EYA3: variants seen among roughly 807,000 people sequenced by gnomAD.
EYA3 encodes the protein EYA transcriptional coactivator and phosphatase 3.
EYA3 carries 39 observed loss-of-function variants against 80.0 expected under a neutral mutation model. The ratio of observed to expected loss-of-function variants is 0.49; its 90% CI spans 0.38 to 0.64. The LOEUF (loss-of-function observed/expected upper bound fraction) is 0.64, where lower values mean the gene tolerates loss of function less well. Ranked by LOEUF, EYA3 falls within the 30% of genes least tolerant of loss-of-function variation. The pLI is 0.00. For synonymous variants in EYA3, 206 were observed against 232.8 expected (o/e 0.88, Z 1.05); for missense variants, 523 against 676.1 (o/e 0.77, Z 2.51).
chr1:27,997,033 C>T (rs1371806970), intron 13 of EYA3, among the ~76,000 whole-genome samples: 1 of 152,204 alleles, frequency 6.6e-6, no homozygotes, highest in Non-Finnish European at 1.5e-5. Context: ...GCTACCCATT[C>T]TTTAATGTTC....
intron 3 of EYA3, among the ~76,000 whole-genome samples, chr1:28,046,512 G>A (rs1644009843): frequency 6.6e-6 from 1 of 152,062 alleles, no homozygotes; most frequent in Non-Finnish European, 1.5e-5. Context: ...AGCAGGAAAG[G>A]GAGGGAAAAG....
chr1:27,979,530 T>C (rs1639166430), intron 16 of EYA3, among the ~76,000 whole-genome samples: 2 of 152,128 alleles, frequency 1.3e-5, no homozygotes, highest in African/African-American at 4.8e-5. Flanking sequence ...GTATCAAAAC[T>C]CAAATCCCAT....
chr1:28,075,894 G>C (rs1451264934), intron 1 of EYA3, among the ~76,000 whole-genome samples: 1 of 152,074 alleles, frequency 6.6e-6, no homozygotes, highest in African/African-American at 2.4e-5. Flanking sequence ...CACCTTTCTT[G>C]ATTTAATACC....
At chr1:28,044,265 A>T (rs1391706406) in intron 3 of EYA3, among the ~76,000 whole-genome samples, 2 of 152,184 alleles carry the variant, frequency 1.3e-5, no homozygotes, top group Non-Finnish European at 2.9e-5. Context: ...GCTCAAGTTC[A>T]TATTCTATTC....
chr1:28,079,755 G>A (rs184811879), intron 1 of EYA3, among the ~76,000 whole-genome samples: 13 of 151,514 alleles, frequency 8.6e-5, no homozygotes, highest in East Asian at 5.8e-4. Flanking sequence ...ATCCATCCAC[G>A]TACATTGCAG....
At chr1:28,035,711 G>A in intron 5 of EYA3, 31 bp from the exon 6 acceptor site, 1 of 1,608,948 alleles carries the variant, frequency 6.2e-7, no homozygotes. Flanking sequence ...AAAAACTTTT[G>A]TGTGATTTAC....
At chr1:28,052,043 C>G (rs1644269652) in intron 2 of EYA3, among the ~76,000 whole-genome samples, 1 of 151,946 alleles carries the variant, frequency 6.6e-6, no homozygotes, top group Non-Finnish European at 1.5e-5. Context: ...GAGGCTCACT[C>G]TGTCACCCTG....
At position 28,013,044 on chromosome 1, in the gene EYA3, C is replaced by A; in HGVS notation, c.769+67G>T. The stretch of plus-strand genomic sequence containing the variant: ...TAAGACAGAACAAAATCATCCTTAC[C>A]ATTGCCTAAAAACAACTGTTGGATG... On this transcript the variant is annotated intron_variant, in intron 9 of 17. Transcript: ENST00000373871. The surrounding 1 kb of genome is among the most constrained non-coding windows in gnomAD (Gnocchi z 4.0). 6.7e-7 allele frequency: 1 copy of A among 1,494,730 alleles called. No homozygotes were observed. The allele number at this position is 1,494,730 out of a possible 1,614,324, so 92.6% of individuals were successfully genotyped here.
chr1:27,993,593 T>C (rs371299347), intron 13 of EYA3, 33 bp from the exon 14 acceptor site: 2 of 1,541,404 alleles, frequency 1.3e-6, no homozygotes, highest in Non-Finnish European at 8.7e-7. Flanking sequence ...AAATTAAAAT[T>C]TATACAGCAT....
intron 11 of EYA3, among the ~76,000 whole-genome samples, chr1:28,001,807 T>C: frequency 6.9e-6 from 1 of 145,064 alleles, no homozygotes; most frequent in Non-Finnish European, 1.5e-5. Flanking sequence ...CTCGGCTCAC[T>C]GCAACCTCCA....
intron 16 of EYA3, among the ~76,000 whole-genome samples, chr1:27,985,653 C>A (rs550184927): frequency 2.6e-5 from 4 of 152,300 alleles, no homozygotes; most frequent in Admixed American, 2.6e-4. Flanking sequence ...GCCATCTCGG[C>A]TTACCGCAAC....
At chr1:28,083,805 G>C (rs1232684956) in intron 1 of EYA3, among the ~76,000 whole-genome samples, 1 of 152,082 alleles carries the variant, frequency 6.6e-6, no homozygotes, top group Non-Finnish European at 1.5e-5. Flanking sequence ...GTACAAATAA[G>C]ATCAAATTCA....
At chr1:28,078,201 C>T (rs1019067533) in intron 1 of EYA3, among the ~76,000 whole-genome samples, 1 of 152,130 alleles carries the variant, frequency 6.6e-6, no homozygotes. Context: ...AAATAGCAAA[C>T]CATTAAAACT....
intron 14 of EYA3, chr1:27,990,552 CTT>C (rs370894433): frequency 2.3e-5 from 3 of 131,128 alleles, no homozygotes; most frequent in Admixed American, 7.8e-5. Context: ...ACCAGTTGTC[CTT>C]TTTTTTTTTT....
intron 16 of EYA3, among the ~76,000 whole-genome samples, chr1:27,982,448 T>C (rs1639370388): frequency 6.6e-6 from 1 of 151,078 alleles, no homozygotes; most frequent in Admixed American, 6.6e-5. Context: ...ACCTGACCCT[T>C]ATAGTTGCTC....
At chr1:28,038,309 G>A (rs1643564912) in intron 5 of EYA3, among the ~76,000 whole-genome samples, 2 of 152,050 alleles carry the variant, frequency 1.3e-5, no homozygotes, top group South Asian at 4.1e-4. Flanking sequence ...GTGGTGGCAT[G>A]CCTGTAGTCC....
intron 1 of EYA3, among the ~76,000 whole-genome samples, chr1:28,070,631 T>C (rs1376899909): frequency 6.6e-6 from 1 of 152,104 alleles, no homozygotes; most frequent in East Asian, 1.9e-4. Context: ...AAAAAAATGC[T>C]TCCAGACATT....
At chr1:27,982,493 GAACAA>G (rs1175569559) in intron 16 of EYA3, among the ~76,000 whole-genome samples, 2 of 149,750 alleles carry the variant, frequency 1.3e-5, no homozygotes, top group East Asian at 2.0e-4. Flanking sequence ...AGACATTACA[GAACAA>G]AACTTTTCAA....
chr1:28,064,474 A>C (rs141215037), intron 1 of EYA3, among the ~76,000 whole-genome samples: 1 of 151,190 alleles, frequency 6.6e-6, no homozygotes, highest in African/African-American at 2.4e-5. Context: ...TCCAATACCT[A>C]CAAATTTCTT....
Sources: allele counts gnomAD v4.1 joint callset (sites outside exome capture counted in the v4.1 genomes callset), GRCh38; gene constraint gnomAD v4.1.1; non-coding constraint Gnocchi (gnomAD v3.1); transcripts MANE v1.5; gene names NCBI Gene and HGNC (gene_info 2026-07-23, HGNC 2026-07-21).